The following SAMD5 variants were observed in gnomAD, a reference collection of about 807,000 sequenced individuals.
SAMD5 encodes sterile alpha motif domain-containing protein 5.
SAMD5 carries 13 observed loss-of-function variants against 11.3 expected under a neutral mutation model. The observed-to-expected ratio is 1.15, with a 90% confidence interval of 0.75 to 1.83. SAMD5 has a LOEUF of 1.83. SAMD5 is among the 40% of genes most tolerant of loss of function. The pLI is 0.00. For missense variants in SAMD5, 255 were observed against 239.1 expected (o/e 1.07, Z -0.44); for synonymous variants, 129 against 111.3 (o/e 1.16, Z -1.00).
the SAMD5 span, among the ~76,000 whole-genome samples, chr6:147,944,559 C>T: frequency 3.2e-4 from 49 of 152,294 alleles, no homozygotes; most frequent in African/African-American, 1.1e-3. Flanking sequence ...GGGACACAGC[C>T]AAACCATATT....
chr6:147,952,507 T>C, the SAMD5 span, among the ~76,000 whole-genome samples: 1 of 152,134 alleles, frequency 6.6e-6, no homozygotes, highest in Non-Finnish European at 1.5e-5. Context: ...GTGATCTTTG[T>C]TTTTGTTTGT....
chr6:147,585,651 C>T (rs1198529751), intron 1 of SAMD5, among the ~76,000 whole-genome samples: 1 of 152,146 alleles, frequency 6.6e-6, no homozygotes, highest in Non-Finnish European at 1.5e-5. Flanking sequence ...ATTTACTCCC[C>T]TCTTGGCAGG....
chr6:147,638,649 G>T (rs1441151071), intron 1 of SAMD5, among the ~76,000 whole-genome samples: 2 of 152,132 alleles, frequency 1.3e-5, no homozygotes, highest in African/African-American at 4.8e-5. Context: ...GTGGCCAGTG[G>T]GTTGGCCAAC....
the SAMD5 span, among the ~76,000 whole-genome samples, chr6:147,856,606 G>A: frequency 6.6e-6 from 1 of 152,090 alleles, no homozygotes; most frequent in Admixed American, 6.6e-5. Flanking sequence ...AATGATTGTT[G>A]GATAAAGGCT....
the SAMD5 span, among the ~76,000 whole-genome samples, chr6:147,921,911 A>G: frequency 6.6e-6 from 1 of 152,200 alleles, no homozygotes; most frequent in Non-Finnish European, 1.5e-5. Flanking sequence ...AAACAATACA[A>G]AGTTAAACAA....
the SAMD5 span, among the ~76,000 whole-genome samples, chr6:147,883,488 C>T: frequency 6.6e-6 from 1 of 152,200 alleles, no homozygotes; most frequent in African/African-American, 2.4e-5. Flanking sequence ...TCCCCTTTCC[C>T]TCACAGCTAT....
chr6:147,783,249 A>G, the SAMD5 span, among the ~76,000 whole-genome samples: 2 of 152,234 alleles, frequency 1.3e-5, no homozygotes. Flanking sequence ...TCTGGCTGTT[A>G]TAACCACTGT....
chr6:147,566,847 G>A lies in SAMD5; in HGVS notation c.*2391G>A. ...ATGAGGTAAGAGGTAGAATATAAGAGAAAGGGATTATTTTTACCATGAATT... is the reference window on the plus strand; with the variant it reads ...ATGAGGTAAGAGGTAGAATATAAGAAAAAGGGATTATTTTTACCATGAATT... On this transcript the variant is annotated 3_prime_UTR_variant, in exon 2 of 2. Coordinates refer to ENST00000367474, the MANE Select transcript of SAMD5 (RefSeq NM_001030060.3). 3.1e-6 allele frequency: 3 copies of A among 978,876 alleles called. No individual in the cohort carries two copies. The African/African-American group carries it at 5.3e-5, about 17-fold the overall frequency. The allele number at this position is 978,876 out of a possible 1,614,324, so 60.6% of individuals were successfully genotyped here. A position where few individuals can be genotyped will look rare whatever the true frequency, so the allele number is the denominator to read the frequency against.
the SAMD5 span, among the ~76,000 whole-genome samples, chr6:147,753,390 T>C: frequency 6.6e-6 from 1 of 152,190 alleles, no homozygotes; most frequent in African/African-American, 2.4e-5. Context: ...TTCATTTTAT[T>C]TCACTTCATT....
intron 1 of SAMD5, among the ~76,000 whole-genome samples, chr6:147,525,018 AGAGCCC>A (rs1788314996): frequency 6.6e-6 from 1 of 152,060 alleles, no homozygotes; most frequent in African/African-American, 2.4e-5. Context: ...TACTGACCTC[AGAGCCC>A]GTGGGTCTCA....
chr6:147,713,436 G>A (rs764885414), intron 1 of SAMD5, among the ~76,000 whole-genome samples: 3 of 152,112 alleles, frequency 2.0e-5, no homozygotes, highest in Non-Finnish European at 4.4e-5. Flanking sequence ...AACCTGGGTT[G>A]TTCTGGATAC....
At chr6:147,709,127 C>T (rs1047685084) in intron 1 of SAMD5, among the ~76,000 whole-genome samples, 2 of 152,138 alleles carry the variant, frequency 1.3e-5, no homozygotes, top group East Asian at 1.9e-4. Flanking sequence ...CTTTTATTTG[C>T]AAGCTATTCT....
At chr6:147,683,274 G>C (rs961517075) in intron 1 of SAMD5, among the ~76,000 whole-genome samples, 2 of 152,170 alleles carry the variant, frequency 1.3e-5, no homozygotes, top group Non-Finnish European at 2.9e-5. Flanking sequence ...TTTACACATA[G>C]GTGAGAGAGT....
intron 1 of SAMD5, among the ~76,000 whole-genome samples, chr6:147,529,645 A>T (rs1369589477): frequency 1.3e-5 from 2 of 152,202 alleles, no homozygotes; most frequent in Non-Finnish European, 2.9e-5. Flanking sequence ...GAATAAACTC[A>T]TCAGTAATGA....
intron 1 of SAMD5, among the ~76,000 whole-genome samples, chr6:147,713,902 T>G (rs1791432045): frequency 6.6e-6 from 1 of 152,152 alleles, no homozygotes; most frequent in Non-Finnish European, 1.5e-5. Context: ...TGTCCCTTCC[T>G]CATCCCTCCC....
At chr6:147,903,909 G>GAA in the SAMD5 span, among the ~76,000 whole-genome samples, 10 of 142,360 alleles carry the variant, frequency 7.0e-5, no homozygotes, top group East Asian at 2.1e-4. Context: ...CTCCATCTTG[G>GAA]AAAAAAAAAA....
At chr6:147,775,038 A>T in the SAMD5 span, among the ~76,000 whole-genome samples, 3 of 152,104 alleles carry the variant, frequency 2.0e-5, no homozygotes, top group African/African-American at 4.8e-5. Flanking sequence ...TGGCCTAAAT[A>T]GTCCTGGCAT....
At chr6:147,620,657 G>A (rs529601031) in intron 1 of SAMD5, among the ~76,000 whole-genome samples, 41 of 152,304 alleles carry the variant, frequency 2.7e-4, no homozygotes, top group African/African-American at 9.9e-4. Context: ...GTTCCCCAAA[G>A]AAGAGCTTTC....
chr6:147,921,098 G>C, the SAMD5 span, among the ~76,000 whole-genome samples: 1 of 151,996 alleles, frequency 6.6e-6, no homozygotes, highest in African/African-American at 2.4e-5. Context: ...ACCAGACATT[G>C]GTCCAGAATA....
Sources: allele counts gnomAD v4.1 joint callset (sites outside exome capture counted in the v4.1 genomes callset), GRCh38; gene constraint gnomAD v4.1.1; transcripts MANE v1.5; gene names NCBI Gene and HGNC (gene_info 2026-07-23, HGNC 2026-07-21).